Variants in EEFSEC observed in about 807,000 individuals in gnomAD.
EEFSEC encodes selenocysteine-specific elongation factor.
A neutral mutation model predicts 42.1 loss-of-function variants in EEFSEC; 43 were observed. The ratio of observed to expected loss-of-function variants is 1.02; its 90% CI spans 0.80 to 1.32. EEFSEC has a LOEUF of 1.32. EEFSEC is among the 40% of genes most tolerant of loss of function. The probability of loss-of-function intolerance (pLI) is 0.00; values close to 1 mark genes in which losing one functional copy is unlikely to be tolerated. For missense variants in EEFSEC, 745 were observed against 803.6 expected (o/e 0.93, Z 0.88); for synonymous variants, 354 against 339.1 (o/e 1.04, Z -0.48).
At chr3:128,237,728 A>AT (rs1163446483) in intron 1 of EEFSEC, among the ~76,000 whole-genome samples, 1 of 151,728 alleles carries the variant, frequency 6.6e-6, no homozygotes, top group Non-Finnish European at 1.5e-5. Flanking sequence ...AGGGCCATTT[A>AT]TTTTTTGCCT....
chr3:128,257,491 C>T (rs2066252982), intron 2 of EEFSEC, among the ~76,000 whole-genome samples: 1 of 152,186 alleles, frequency 6.6e-6, no homozygotes. Flanking sequence ...GAATGCAGTG[C>T]ACTGCCCACA....
intron 1 of EEFSEC, among the ~76,000 whole-genome samples, chr3:128,185,691 T>A (rs1489285230): frequency 6.6e-6 from 1 of 152,182 alleles, no homozygotes; most frequent in Non-Finnish European, 1.5e-5. Flanking sequence ...CATCCCAAAG[T>A]GCTACGATTA....
At chr3:128,416,788 A>T in the EEFSEC span, among the ~76,000 whole-genome samples, 2 of 152,094 alleles carry the variant, frequency 1.3e-5, no homozygotes, top group Admixed American at 1.3e-4. Context: ...CACAGCACAA[A>T]GGGGTGAGGG....
In EEFSEC at chr3:128,261,581, A is replaced by G. The variant is rs547235412; in HGVS notation, c.525-547A>G. On this transcript the variant is annotated intron_variant, in intron 2 of 6. Transcript: ENST00000254730. Reference sequence around the variant, plus strand: ...TTTTTTTTTTTTTTTTGCCCTAACAATGTTCCTTTTTTTAAATGGGAAAGA... The same window carrying G: ...TTTTTTTTTTTTTTTTGCCCTAACAGTGTTCCTTTTTTTAAATGGGAAAGA... Among the ~76,000 whole-genome samples, 53 of 137,518 alleles carry G rather than the reference A, an allele frequency of 3.9e-4. 1 individual carries two copies. The highest frequency in any genetic ancestry group is 1.3e-3 in the African/African-American group (49 of 37,914). 90.2% of individuals were successfully genotyped at this position (137,518 alleles called of 152,430 possible). A position where few individuals can be genotyped will look rare whatever the true frequency, so the allele number is the denominator to read the frequency against.
At chr3:128,252,499 T>C (rs1191693887) in intron 2 of EEFSEC, among the ~76,000 whole-genome samples, 1 of 152,208 alleles carries the variant, frequency 6.6e-6, no homozygotes, top group Non-Finnish European at 1.5e-5. Context: ...TACTTGGCAC[T>C]GTACTAGGGG....
chr3:128,277,013 T>C (rs2066475550), intron 4 of EEFSEC, among the ~76,000 whole-genome samples: 1 of 152,212 alleles, frequency 6.6e-6, no homozygotes, highest in Admixed American at 6.5e-5. Context: ...CAACCTCTTC[T>C]TGAGGAAGCA....
intron 1 of EEFSEC, among the ~76,000 whole-genome samples, chr3:128,193,587 T>G (rs1390794390): frequency 3.3e-5 from 5 of 152,232 alleles, no homozygotes; most frequent in Non-Finnish European, 7.3e-5. Context: ...AAAAATGAAT[T>G]GACTTATTTG....
chr3:128,194,856 G>T (rs955771839), intron 1 of EEFSEC, among the ~76,000 whole-genome samples: 11 of 152,162 alleles, frequency 7.2e-5, no homozygotes, highest in Non-Finnish European at 1.2e-4. Context: ...AACATTAGGG[G>T]CTAAGATCTA....
At chr3:128,345,992 A>T (rs1334863841) in intron 5 of EEFSEC, among the ~76,000 whole-genome samples, 1 of 152,248 alleles carries the variant, frequency 6.6e-6, no homozygotes, top group Non-Finnish European at 1.5e-5. Context: ...AAGGTCTAGA[A>T]AGAAAATAAC....
chr3:128,236,113 C>T (rs888383423), intron 1 of EEFSEC, among the ~76,000 whole-genome samples: 3 of 152,200 alleles, frequency 2.0e-5, no homozygotes, highest in African/African-American at 4.8e-5. Context: ...TACGCAGCAA[C>T]ACCAGGCACG....
At chr3:128,182,968 A>G (rs1235047686) in intron 1 of EEFSEC, among the ~76,000 whole-genome samples, 2 of 151,062 alleles carry the variant, frequency 1.3e-5, no homozygotes, top group Admixed American at 6.6e-5. Context: ...TTTTCAATTT[A>G]CCCTCTTTTT....
chr3:128,385,314 G>C (rs143006151), intron 6 of EEFSEC, among the ~76,000 whole-genome samples: 8 of 152,356 alleles, frequency 5.3e-5, no homozygotes, highest in African/African-American at 1.2e-4. Flanking sequence ...GACTGCAGTG[G>C]GGAGCGGGGA....
At chr3:128,418,717 C>T in the EEFSEC span, among the ~76,000 whole-genome samples, 1 of 152,126 alleles carries the variant, frequency 6.6e-6, no homozygotes, top group Admixed American at 6.5e-5. Flanking sequence ...CCCAGCACCC[C>T]TGTGGCCGGG....
chr3:128,218,649 C>T (rs1037225535), intron 1 of EEFSEC, among the ~76,000 whole-genome samples: 6 of 152,116 alleles, frequency 3.9e-5, no homozygotes, highest in Admixed American at 3.3e-4. Flanking sequence ...TTCATTGTTT[C>T]GGCACTTAAG....
chr3:128,251,834 T>A (rs1348925340), intron 2 of EEFSEC, among the ~76,000 whole-genome samples: 3 of 152,222 alleles, frequency 2.0e-5, no homozygotes, highest in Non-Finnish European at 4.4e-5. Flanking sequence ...GATTTCTTTA[T>A]CTCTGAAAGC....
chr3:128,404,952 G>C (rs560509537), intron 6 of EEFSEC, among the ~76,000 whole-genome samples: 1 of 152,092 alleles, frequency 6.6e-6, no homozygotes, highest in South Asian at 2.1e-4. Flanking sequence ...CGGACCCTTT[G>C]TGCAGTGGGG....
At chr3:128,198,114 G>A (rs957790078) in intron 1 of EEFSEC, among the ~76,000 whole-genome samples, 1 of 152,172 alleles carries the variant, frequency 6.6e-6, no homozygotes, top group Non-Finnish European at 1.5e-5. Context: ...GATGGTTGTA[G>A]CCCTGAGTGA....
At chr3:128,262,031 T>C in intron 2 of EEFSEC, 97 bp from the exon 3 acceptor site, 1 of 1,080,232 alleles carries the variant, frequency 9.3e-7, no homozygotes, top group South Asian at 1.4e-5. Flanking sequence ...AAGAGGATGC[T>C]CACTGCACTT....
intron 6 of EEFSEC, among the ~76,000 whole-genome samples, chr3:128,382,130 T>A (rs1227798634): frequency 6.6e-6 from 1 of 152,174 alleles, no homozygotes; most frequent in African/African-American, 2.4e-5. Flanking sequence ...CCTGGGGTTG[T>A]CAGGAAGAAG....
Sources: allele counts gnomAD v4.1 joint callset (sites outside exome capture counted in the v4.1 genomes callset), GRCh38; gene constraint gnomAD v4.1.1; transcripts MANE v1.5; gene names NCBI Gene and HGNC (gene_info 2026-07-23, HGNC 2026-07-21).